Variants in OXTR observed in about 807,000 individuals in gnomAD.
OXTR encodes the protein oxytocin receptor.
OXTR carries 19 observed loss-of-function variants against 23.9 expected under a neutral mutation model. The ratio of observed to expected loss-of-function variants is 0.80; its 90% CI spans 0.56 to 1.17. OXTR has a LOEUF of 1.17. Ranked by LOEUF, OXTR falls within the 50% of genes most tolerant of loss-of-function variation. The pLI, the probability that OXTR is intolerant of heterozygous loss-of-function variation, is 0.00. For missense variants in OXTR, 500 were observed against 550.7 expected (o/e 0.91, Z 0.92); for synonymous variants, 278 against 250.5 (o/e 1.11, Z -1.04).
chr3:8,750,156 A>G (rs894144989), downstream of OXTR, among the ~76,000 whole-genome samples: 10 of 152,218 alleles, frequency 6.6e-5, no homozygotes, highest in African/African-American at 1.9e-4. Context: ...GTGAATTTCT[A>G]TTTTAAATAA....
At chr3:8,748,132 C>T (rs901735377), downstream of OXTR, among the ~76,000 whole-genome samples, 2 of 152,166 alleles carry the variant, frequency 1.3e-5, no homozygotes. Flanking sequence ...ACCAGGGACT[C>T]CTGTTTGAAA....
At chr3:8,766,542 C>T (rs1708611728) in intron 3 of OXTR, among the ~76,000 whole-genome samples, 1 of 152,022 alleles carries the variant, frequency 6.6e-6, no homozygotes, top group Admixed American at 6.6e-5. Context: ...CTTCTCTTTC[C>T]TCCAAGTGGA....
At chr3:8,745,854 G>A (rs140575619), downstream of OXTR, 203 of 1,611,604 alleles carry the variant, frequency 1.3e-4, 1 homozygote, top group African/African-American at 1.1e-3. The surrounding 1 kb of genome is among the most constrained non-coding windows in gnomAD (Gnocchi z 4.8). Flanking sequence ...GTGGTGCTGC[G>A]GAAGGAGGTC....
At chr3:8,762,236 A>C (rs1478857266) in intron 3 of OXTR, among the ~76,000 whole-genome samples, 2 of 152,142 alleles carry the variant, frequency 1.3e-5, no homozygotes, top group East Asian at 1.9e-4. Flanking sequence ...ACCCACACAG[A>C]CAGCCATCAA....
chr3:8,744,995 T>A, the OXTR span: 1 of 155,932 alleles, frequency 6.4e-6, no homozygotes, highest in African/African-American at 2.4e-5. Flanking sequence ...GGCGATGATA[T>A]GGTCTGGATC....
rs1486015337 is a variant in OXTR, at chr3:8,769,398, C to G, written c.-406G>C. On this transcript the variant is annotated 5_prime_UTR_variant, in exon 1 of 4. Coordinates refer to ENST00000316793, the MANE Select transcript of OXTR (RefSeq NM_000916.4). ...CTCTCACTGGAGCCTCGGTTGGAAT[C>G]CCCTCGCCGCAGCCTGGCTGGTCGC... is the stretch of plus-strand genomic sequence containing the variant. 1.3e-5 allele frequency: 2 copies of G among 152,310 alleles called. No individual in the cohort carries two copies. Among genetic ancestry groups the G allele is most frequent in the African/African-American group, 4.8e-5 (2 of 41,468 alleles). The allele number at this position is 152,310 out of a possible 1,614,324, so 9.4% of individuals were successfully genotyped here. A position where few individuals can be genotyped will look rare whatever the true frequency, so the allele number is the denominator to read the frequency against.
At position 8,752,793 on chromosome 3, in the gene OXTR, G is replaced by A; in HGVS notation, c.*184C>T. ...TAGGAGGCCAGGGTGTTGTCTGATG[G>A]CTGAGTCCCCTATCATCTTCCATCA... On this transcript the variant is annotated 3_prime_UTR_variant, in exon 4 of 4. Coordinates refer to ENST00000316793, the MANE Select transcript of OXTR (RefSeq NM_000916.4). 1.6e-6 allele frequency: 1 copy of A among 626,176 alleles called. No homozygotes were observed. The highest frequency in any genetic ancestry group is 2.7e-6 in the Non-Finnish European group (1 of 364,872). The allele number at this position is 626,176 out of a possible 1,614,324, so 38.8% of individuals were successfully genotyped here.
chr3:8,754,969 G>GA (rs1295626252), intron 3 of OXTR, among the ~76,000 whole-genome samples: 3 of 151,840 alleles, frequency 2.0e-5, no homozygotes, highest in African/African-American at 7.3e-5. Flanking sequence ...TAGAAAGGAG[G>GA]AAAAATGAAA....
In OXTR at chr3:8,768,165, T is replaced by C. The variant is rs1275152803; in HGVS notation, c.23A>G (p.Asn8Ser). Residue 8 changes from asparagine (N) to serine (S), a missense_variant, in exon 3 of 4, where the codon AAC becomes AGC. Coordinates refer to ENST00000316793, the MANE Select transcript of OXTR (RefSeq NM_000916.4). This position sits in a 1 kb window ranked among gnomAD's most constrained non-coding sequence, Gnocchi z 5.4. MEGALAA[N>S]WSAEAANASA... Reference sequence around the variant, plus strand: ...GGCGTTGGCTGCCTCGGCGCTCCAGTTGGCTGCGAGCGCGCCCTCCATGAC... The same window carrying C: ...GGCGTTGGCTGCCTCGGCGCTCCAGCTGGCTGCGAGCGCGCCCTCCATGAC... 7 of 1,327,114 alleles carry C rather than the reference T, an allele frequency of 5.3e-6. No homozygotes were observed. Among genetic ancestry groups the C allele is most frequent in the African/African-American group, 4.6e-5 (3 of 64,746 alleles). The allele number at this position is 1,327,114 out of a possible 1,614,324, so 82.2% of individuals were successfully genotyped here. A position where few individuals can be genotyped will look rare whatever the true frequency, so the allele number is the denominator to read the frequency against.
In OXTR at chr3:8,768,991, C is replaced by T. The variant is rs1009594455; in HGVS notation, c.-239+240G>A. ...TTCCCAGACCCTGGCATAGACACCT[C>T]CCGCGGGGCTCCTCCCCAGCCCGGC... On this transcript the variant is annotated intron_variant, in intron 1 of 3. Coordinates refer to ENST00000316793, the MANE Select transcript of OXTR (RefSeq NM_000916.4). This position sits in a 1 kb window ranked among gnomAD's most constrained non-coding sequence, Gnocchi z 5.4. Among the ~76,000 whole-genome samples the T allele has an allele frequency of 8.5e-5, 13 of 152,220 alleles. No individual in the cohort carries two copies. Among genetic ancestry groups the T allele is most frequent in the African/African-American group, 2.2e-4 (9 of 41,462 alleles).
downstream of OXTR, among the ~76,000 whole-genome samples, chr3:8,749,886 G>A (rs1332416048): frequency 6.6e-6 from 1 of 152,172 alleles, no homozygotes; most frequent in Admixed American, 6.5e-5. Context: ...AATAAAGTGT[G>A]TTATAAAGAG....
chr3:8,757,924 T>G (rs1456066815), intron 3 of OXTR, among the ~76,000 whole-genome samples: 2 of 151,816 alleles, frequency 1.3e-5, no homozygotes. Flanking sequence ...AGACTCAGGA[T>G]GAGAAAGAGA....
At chr3:8,763,608 G>A (rs984224178) in intron 3 of OXTR, among the ~76,000 whole-genome samples, 7 of 152,312 alleles carry the variant, frequency 4.6e-5, no homozygotes, top group East Asian at 1.9e-4. Context: ...GGCTGGTGCC[G>A]AATCTTTGGC....
intron 3 of OXTR, among the ~76,000 whole-genome samples, chr3:8,764,139 G>A (rs952822172): frequency 1.1e-4 from 17 of 151,768 alleles, no homozygotes; most frequent in Non-Finnish European, 2.1e-4. Context: ...GAGGGACTTC[G>A]GGTCCCTGGG....
At position 8,768,769 on chromosome 3, in the gene OXTR, A is replaced by C. The variant is rs2125009111; in HGVS notation, c.-238-178T>G. 1 of 152,236 alleles carries C rather than the reference A, an allele frequency of 6.6e-6. No homozygotes were observed. Among genetic ancestry groups the C allele is most frequent in the East Asian group, 1.9e-4 (1 of 5,154 alleles). 9.4% of individuals were successfully genotyped at this position (152,236 alleles called of 1,614,324 possible). A position where few individuals can be genotyped will look rare whatever the true frequency, so the allele number is the denominator to read the frequency against. On this transcript the variant is annotated intron_variant, in intron 1 of 3. Transcript: ENST00000316793. This position sits in a 1 kb window ranked among gnomAD's most constrained non-coding sequence, Gnocchi z 5.4. ...CCCTCTCCTAGTAAACATTAATTCA[A>C]GTACTTCCTCCGGAAATCCCCAAAT...
In OXTR at chr3:8,753,155, A is replaced by T. The variant is rs1708305194; in HGVS notation, c.992T>A (p.Leu331Gln). The change falls in exon 4 of 4, where the codon CTG becomes CAG. Residue 331 changes from leucine (L) to glutamine (Q), a missense_variant. Leu to Gln is a moderately radical substitution (Grantham distance 113). Transcript: ENST00000316793. Reference protein sequence around the residue: ...NSCCNPWIYMLFTGHLFHELV... With the variant: ...NSCCNPWIYMQFTGHLFHELV... ...TTCGTGGAAGAGGTGGCCCGTGAACAGCATGTAGATCCAGGGGTTGCAGCA... is the reference window on the plus strand; with the variant it reads ...TTCGTGGAAGAGGTGGCCCGTGAACTGCATGTAGATCCAGGGGTTGCAGCA... 6.8e-6 allele frequency: 11 copies of T among 1,614,030 alleles called. No homozygotes were observed. Among genetic ancestry groups the T allele is most frequent in the Non-Finnish European group, 9.3e-6 (11 of 1,180,036 alleles).
chr3:8,754,683 CA>C (rs1251395391), intron 3 of OXTR, among the ~76,000 whole-genome samples: 1 of 152,148 alleles, frequency 6.6e-6, no homozygotes, highest in Non-Finnish European at 1.5e-5. Flanking sequence ...GAGTGGCTCT[CA>C]AAGTAGGCCC....
At chr3:8,761,269 G>A (rs1057477438) in intron 3 of OXTR, among the ~76,000 whole-genome samples, 2 of 152,218 alleles carry the variant, frequency 1.3e-5, no homozygotes, top group South Asian at 2.1e-4. Context: ...AGGATGAGAG[G>A]GGCATGGCAC....
At chr3:8,742,526 T>C in the OXTR span, 57 of 456,030 alleles carry the variant, frequency 1.2e-4, 1 homozygote, top group South Asian at 8.6e-4. Context: ...GACTCATTTA[T>C]AACTAAGTAG....
Sources: allele counts gnomAD v4.1 joint callset (sites outside exome capture counted in the v4.1 genomes callset), GRCh38; gene constraint gnomAD v4.1.1; non-coding constraint Gnocchi (gnomAD v3.1); transcripts MANE v1.5; gene names NCBI Gene and HGNC (gene_info 2026-07-23, HGNC 2026-07-21).